BACH2: variants seen among roughly 807,000 people sequenced by gnomAD.
BACH2 encodes the protein BACH transcriptional regulator 2.
A neutral mutation model predicts 61.8 loss-of-function variants in BACH2; 5 were observed. The ratio of observed to expected loss-of-function variants is 0.08; its 90% confidence interval spans 0.04 to 0.17. The LOEUF (loss-of-function observed/expected upper bound fraction) is 0.17, where lower values mean the gene tolerates loss of function less well. Among genes scored for constraint, BACH2 ranks in the 10% least tolerant of loss-of-function variants. BACH2 has a pLI of 1.00. For missense variants in BACH2, 824 were observed against 1,091.1 expected, an observed-to-expected ratio of 0.76 and a Z score of 3.45; for synonymous variants, 446 against 440.1, an observed-to-expected ratio of 1.01 and a Z score of -0.17.
chr6:90,277,226 A>G (rs1230021445), intron 1 of BACH2, among the ~76,000 whole-genome samples: 1 of 152,218 alleles, frequency 6.6e-6, no homozygotes, highest in African/African-American at 2.4e-5. Context: ...GCTACTCATA[A>G]TGGCCCCAAA....
intron 4 of BACH2, among the ~76,000 whole-genome samples, chr6:90,095,148 C>T (rs111554093): frequency 0.013 from 2,009 of 152,034 alleles, 36 homozygotes; most frequent in African/African-American, 0.046. Flanking sequence ...TAGTCGCACG[C>T]CATTTTATGG....
At chr6:90,166,697 C>G (rs1767630314) in intron 4 of BACH2, among the ~76,000 whole-genome samples, 2 of 152,130 alleles carry the variant, frequency 1.3e-5, no homozygotes, top group African/African-American at 4.8e-5. Context: ...AAATGTGGCA[C>G]ATATACACCA....
At chr6:90,051,077 G>C (rs1780023642) in intron 5 of BACH2, among the ~76,000 whole-genome samples, 1 of 151,948 alleles carries the variant, frequency 6.6e-6, no homozygotes, top group African/African-American at 2.4e-5. Flanking sequence ...ATTTTTAAGA[G>C]TATAAAGGGA....
At chr6:90,216,146 T>C (rs967972270) in intron 3 of BACH2, among the ~76,000 whole-genome samples, 1 of 152,170 alleles carries the variant, frequency 6.6e-6, no homozygotes, top group East Asian at 1.9e-4. Flanking sequence ...CAGAAAGCAG[T>C]TCCAGCAGCT....
intron 1 of BACH2, among the ~76,000 whole-genome samples, chr6:90,285,481 T>G (rs959942786): frequency 1.1e-4 from 17 of 152,210 alleles, no homozygotes; most frequent in Non-Finnish European, 8.8e-5. Context: ...CACATTCCCT[T>G]TTCATTTATT....
intron 4 of BACH2, among the ~76,000 whole-genome samples, chr6:90,142,593 G>C (rs1784496223): frequency 6.6e-6 from 1 of 152,040 alleles, no homozygotes; most frequent in Non-Finnish European, 1.5e-5. Flanking sequence ...GACTTACAGG[G>C]AGTTGATTAT....
intron 4 of BACH2, among the ~76,000 whole-genome samples, chr6:90,116,110 G>C (rs1202867208): frequency 6.6e-6 from 1 of 152,120 alleles, no homozygotes. Flanking sequence ...ATTCCTCAAA[G>C]AGCAAAAAGC....
intron 4 of BACH2, among the ~76,000 whole-genome samples, chr6:90,100,907 C>T (rs1460749339): frequency 1.3e-5 from 2 of 152,132 alleles, no homozygotes; most frequent in African/African-American, 4.8e-5. Flanking sequence ...ACATCCTCAC[C>T]AACACTTATT....
intron 1 of BACH2, among the ~76,000 whole-genome samples, chr6:90,283,015 G>T (rs761780367): frequency 1.3e-5 from 2 of 152,128 alleles, no homozygotes; most frequent in African/African-American, 2.4e-5. Flanking sequence ...TCCTTACATG[G>T]TATTGTCAGG....
chr6:90,104,023 C>A (rs1423226531), intron 4 of BACH2, among the ~76,000 whole-genome samples: 6 of 152,132 alleles, frequency 3.9e-5, no homozygotes, highest in Non-Finnish European at 7.3e-5. Flanking sequence ...AAAGAGGGGG[C>A]CAAATGCATC....
At chr6:89,952,681 C>T (rs6939786) in intron 6 of BACH2, among the ~76,000 whole-genome samples, 14,836 of 152,196 alleles carry the variant, frequency 0.097, 783 homozygotes, top group South Asian at 0.13. Flanking sequence ...TCTTTTTTTC[C>T]TGGTAAATCT....
At position 90,008,030 on chromosome 6, in the gene BACH2, C is replaced by G. The variant is rs1777508057; in HGVS notation, c.243+572G>C. ...TCATCTCTGGACAGACCAGGTCCAG[C>G]TACTAGTGTTCCCAAAGTGCCAAAA... On this transcript the variant is annotated intron_variant, in intron 6 of 8. Transcript: ENST00000257749. The surrounding 1 kb of genome is among the most constrained non-coding windows in gnomAD (Gnocchi z 4.1). 6.2e-6 allele frequency: 1 copy of G among 162,428 alleles called. No individual in the cohort carries two copies. The highest frequency in any genetic ancestry group is 5.8e-5 in the Admixed American group (1 of 17,302). The allele number at this position is 162,428 out of a possible 1,614,324, so 10.1% of individuals were successfully genotyped here. A position where few individuals can be genotyped will look rare whatever the true frequency, so the allele number is the denominator to read the frequency against.
At chr6:90,269,446 C>G (rs1405577552) in intron 2 of BACH2, among the ~76,000 whole-genome samples, 1 of 152,166 alleles carries the variant, frequency 6.6e-6, no homozygotes, top group Non-Finnish European at 1.5e-5. Flanking sequence ...ATTTTTTAAA[C>G]TAATGCTATA....
At chr6:90,086,767 C>T (rs538965541) in intron 5 of BACH2, among the ~76,000 whole-genome samples, 3 of 152,280 alleles carry the variant, frequency 2.0e-5, no homozygotes, top group South Asian at 2.1e-4. Flanking sequence ...TGCGGAGTGG[C>T]AGAGCAGGAG....
chr6:90,034,135 C>T (rs1779149857), intron 5 of BACH2, among the ~76,000 whole-genome samples: 1 of 152,208 alleles, frequency 6.6e-6, no homozygotes, highest in South Asian at 2.1e-4. Context: ...TATATGGTGA[C>T]TGCTGGTTAT....
chr6:90,258,350 C>A (rs1234709430), intron 2 of BACH2, among the ~76,000 whole-genome samples: 2 of 152,004 alleles, frequency 1.3e-5, no homozygotes, highest in Non-Finnish European at 2.9e-5. Context: ...TCTTGGTGCC[C>A]TTGTCAAAAA....
At chr6:90,138,052 A>AC (rs1334115086) in intron 4 of BACH2, among the ~76,000 whole-genome samples, 8 of 81,436 alleles carry the variant, frequency 9.8e-5, no homozygotes, top group African/African-American at 3.5e-4. Flanking sequence ...TCTAATCATA[A>AC]AACACACACA....
chr6:90,218,437 C>T (rs981603377), intron 3 of BACH2, among the ~76,000 whole-genome samples: 7 of 152,200 alleles, frequency 4.6e-5, no homozygotes, highest in East Asian at 1.9e-4. Context: ...TCCTCAGCAG[C>T]AGGGCAGCGC....
chr6:90,056,764 C>T (rs1488880986), intron 5 of BACH2, among the ~76,000 whole-genome samples: 1 of 152,170 alleles, frequency 6.6e-6, no homozygotes, highest in African/African-American at 2.4e-5. Context: ...GAAATTATAA[C>T]AAACTGTCTC....
Sources: gnomAD v4.1 joint callset for allele counts (sites outside exome capture counted in the v4.1 genomes callset) on GRCh38, gnomAD v4.1.1 for gene constraint, Gnocchi (gnomAD v3.1) non-coding constraint, MANE v1.5 for transcripts, NCBI Gene and HGNC (gene_info 2026-07-23, HGNC 2026-07-21) for gene names.